FGD4: variants seen among roughly 807,000 people sequenced by gnomAD.
FGD4 encodes the protein FYVE, RhoGEF and PH domain-containing protein 4.
Under a neutral mutation model 102.0 loss-of-function variants are expected in FGD4, and 42 were observed. The ratio of observed to expected loss-of-function variants is 0.41; its 90% CI spans 0.32 to 0.53. The LOEUF is 0.53. Among genes scored for constraint, FGD4 ranks in the 20% least tolerant of loss-of-function variants. The pLI is 0.21. For synonymous variants in FGD4, 380 were observed against 375.7 expected (o/e 1.01, Z -0.13); for missense variants, 902 against 1,078.2 (o/e 0.84, Z 2.29).
intron 1 of FGD4, among the ~76,000 whole-genome samples, chr12:32,557,540 G>A (rs1434400664): frequency 6.6e-6 from 1 of 152,164 alleles, no homozygotes; most frequent in Non-Finnish European, 1.5e-5. Context: ...TACATGTACA[G>A]GGCTATTACT....
intron 1 of FGD4, among the ~76,000 whole-genome samples, chr12:32,438,306 G>A (rs1028719460): frequency 2.6e-5 from 4 of 152,174 alleles, no homozygotes; most frequent in African/African-American, 9.7e-5. Flanking sequence ...TCCATAGAGC[G>A]GACTTGGGAT....
intron 1 of FGD4, among the ~76,000 whole-genome samples, chr12:32,478,690 T>C (rs558966874): frequency 8.5e-5 from 13 of 152,362 alleles, no homozygotes; most frequent in African/African-American, 2.6e-4. Context: ...AGTTTGCAAG[T>C]GTGATTGACT....
At chr12:32,559,692 C>G (rs1042307434) in intron 1 of FGD4, among the ~76,000 whole-genome samples, 1 of 152,112 alleles carries the variant, frequency 6.6e-6, no homozygotes, top group Admixed American at 6.5e-5. Context: ...ATGACACTTG[C>G]GAAACCTACC....
At chr12:32,619,420 A>G (rs1949659548) in intron 10 of FGD4, among the ~76,000 whole-genome samples, 1 of 151,924 alleles carries the variant, frequency 6.6e-6, no homozygotes, top group Non-Finnish European at 1.5e-5. Flanking sequence ...CGAGGTCAGG[A>G]GATCGAGACC....
chr12:32,601,618 G>A (rs534206292), intron 6 of FGD4, among the ~76,000 whole-genome samples, 195 bp downstream of exon 6: 14 of 152,360 alleles, frequency 9.2e-5, no homozygotes, highest in African/African-American at 2.2e-4. Context: ...AGCTAGTGAA[G>A]ACAAGATATC....
chr12:32,595,973 A>T (rs1947858131), intron 4 of FGD4, among the ~76,000 whole-genome samples: 1 of 152,224 alleles, frequency 6.6e-6, no homozygotes, highest in Non-Finnish European at 1.5e-5. Flanking sequence ...CATGAAGTAG[A>T]TCTCATGTGG....
intron 12 of FGD4, 152 bp from the exon 13 acceptor site, chr12:32,624,824 A>G: frequency 1.4e-6 from 1 of 710,292 alleles, no homozygotes; most frequent in South Asian, 1.6e-5. Flanking sequence ...AAATGTGCAT[A>G]TATTGTTGTG....
chr12:32,640,647 T>C lies in FGD4; in HGVS notation c.*114T>C. 1 of 1,416,702 alleles carries C rather than the reference T, an allele frequency of 7.1e-7. No individual in the cohort carries two copies. Among genetic ancestry groups the C allele is most frequent in the Non-Finnish European group, 9.8e-7 (1 of 1,023,018 alleles). The allele number at this position is 1,416,702 out of a possible 1,614,324, so 87.8% of individuals were successfully genotyped here. On this transcript the variant is annotated 3_prime_UTR_variant, in exon 17 of 17. Coordinates refer to ENST00000534526, the MANE Select transcript of FGD4 (RefSeq NM_001370298.3). Reference sequence around the variant, plus strand: ...ATGTTGAAAAATATAGGCCCATAAATGCATCTTTTGAGGACTATTTTCCTA... The same window carrying C: ...ATGTTGAAAAATATAGGCCCATAAACGCATCTTTTGAGGACTATTTTCCTA...
chr12:32,639,164 GTGT>G (rs922624840), intron 16 of FGD4, among the ~76,000 whole-genome samples: 4 of 152,010 alleles, frequency 2.6e-5, no homozygotes, highest in Non-Finnish European at 5.9e-5. Flanking sequence ...TTTGTTTGTT[GTGT>G]TGTTGTTTTC....
At chr12:32,424,401 A>G (rs925344186) in intron 1 of FGD4, among the ~76,000 whole-genome samples, 2 of 152,102 alleles carry the variant, frequency 1.3e-5, no homozygotes, top group Admixed American at 1.3e-4. Context: ...ACATGAACTC[A>G]TTCTTTTTTT....
intron 1 of FGD4, among the ~76,000 whole-genome samples, chr12:32,427,222 A>G (rs911289192): frequency 9.9e-5 from 15 of 152,142 alleles, no homozygotes; most frequent in Non-Finnish European, 1.9e-4. Flanking sequence ...ATTTCCCTCT[A>G]AACACTGCTT....
chr12:32,461,123 T>C (rs937025845), intron 1 of FGD4, among the ~76,000 whole-genome samples: 1 of 152,254 alleles, frequency 6.6e-6, no homozygotes, highest in African/African-American at 2.4e-5. Flanking sequence ...AAAGTTAATA[T>C]TGATTCTTCT....
chr12:32,529,621 G>T (rs1433962223), intron 1 of FGD4, among the ~76,000 whole-genome samples: 2 of 151,574 alleles, frequency 1.3e-5, no homozygotes, highest in Non-Finnish European at 2.9e-5. Context: ...GAGGTGGGCG[G>T]ATCATGAGGT....
intron 4 of FGD4, among the ~76,000 whole-genome samples, chr12:32,594,426 A>T (rs2389103): frequency 6.6e-6 from 1 of 152,018 alleles, no homozygotes; most frequent in Non-Finnish European, 1.5e-5. Context: ...GGAAAACAAG[A>T]TCAGGTCTCC....
intron 1 of FGD4, 103 bp from the exon 2 acceptor site, chr12:32,564,034 G>A (rs1944963856): frequency 9.4e-7 from 1 of 1,062,314 alleles, no homozygotes; most frequent in Non-Finnish European, 1.3e-6. Context: ...AGAGGGAGGG[G>A]GAGGGGGAGG....
chr12:32,569,032 A>G (rs1300850071), intron 2 of FGD4, among the ~76,000 whole-genome samples: 2 of 152,176 alleles, frequency 1.3e-5, no homozygotes, highest in Non-Finnish European at 2.9e-5. Flanking sequence ...TCACTTGACC[A>G]TCGTTCCATC....
intron 1 of FGD4, among the ~76,000 whole-genome samples, chr12:32,410,672 C>T (rs1377141009): frequency 1.3e-5 from 2 of 152,054 alleles, no homozygotes; most frequent in Admixed American, 6.6e-5. Flanking sequence ...TTGCTGTGCC[C>T]GTCGCACATG....
chr12:32,415,974 C>A (rs973802389), intron 1 of FGD4, among the ~76,000 whole-genome samples: 14 of 151,326 alleles, frequency 9.3e-5, no homozygotes, highest in Non-Finnish European at 1.9e-4. Flanking sequence ...TTTTAGGCAA[C>A]AGCTCATTGG....
chr12:32,579,320 C>T (rs1366037038), intron 3 of FGD4, among the ~76,000 whole-genome samples: 2 of 151,934 alleles, frequency 1.3e-5, no homozygotes, highest in African/African-American at 2.4e-5. Flanking sequence ...CTGGGATTAC[C>T]GGCGTGAGCT....
Sources: gnomAD v4.1 joint callset for allele counts (sites outside exome capture counted in the v4.1 genomes callset) on GRCh38, gnomAD v4.1.1 for gene constraint, MANE v1.5 for transcripts, NCBI Gene and HGNC (gene_info 2026-07-23, HGNC 2026-07-21) for gene names.